Variants in MYOM1 observed in about 807,000 individuals in gnomAD.
MYOM1 encodes the protein myomesin-1.
A neutral mutation model predicts 205.3 loss-of-function variants in MYOM1; 164 were observed. The observed-to-expected ratio is 0.80, with a 90% CI of 0.70 to 0.91. The LOEUF is 0.91. Ranked by LOEUF, MYOM1 falls within the 40% of genes least tolerant of loss-of-function variation. The probability of loss-of-function intolerance (pLI) is 0.00; values close to 1 mark genes in which losing one functional copy is unlikely to be tolerated. For synonymous variants in MYOM1, 772 were observed against 789.4 expected, an observed-to-expected ratio of 0.98 and a Z score of 0.37; for missense variants, 2,011 against 2,127.3, an observed-to-expected ratio of 0.95 and a Z score of 1.08.
upstream of MYOM1, among the ~76,000 whole-genome samples, chr18:3,220,330 C>T (rs1021219359): frequency 8.6e-5 from 13 of 152,042 alleles, no homozygotes; most frequent in South Asian, 2.1e-4. Flanking sequence ...AACACACGTA[C>T]GGTACATTTA....
At chr18:3,080,262 T>G (rs2079069249) in intron 33 of MYOM1, among the ~76,000 whole-genome samples, 2 of 152,106 alleles carry the variant, frequency 1.3e-5, no homozygotes, top group Non-Finnish European at 2.9e-5. Context: ...CTGGTAAAAC[T>G]ATGGATACTA....
At position 3,175,376 on chromosome 18, in the gene MYOM1, A is replaced by G. The variant is rs76728031; in HGVS notation, c.1022+666T>C. 3.6e-3 allele frequency among the ~76,000 whole-genome samples: 549 copies of G among 152,306 alleles called. 1 individual carries two copies. Among genetic ancestry groups the G allele is most frequent in the African/African-American group, 0.013 (528 of 41,568 alleles). ...ATTCTGGGAACTTGTTTAGCTTTTCATTGACCTAATTAGGTTTGAATTTCA... is the reference window on the plus strand; with the variant it reads ...ATTCTGGGAACTTGTTTAGCTTTTCGTTGACCTAATTAGGTTTGAATTTCA... On this transcript the variant is annotated intron_variant, in intron 6 of 37. Transcript: ENST00000356443.
intron 25 of MYOM1, among the ~76,000 whole-genome samples, chr18:3,098,341 G>A (rs1197538936): frequency 6.6e-6 from 1 of 151,802 alleles, no homozygotes; most frequent in Non-Finnish European, 1.5e-5. Context: ...GCAGTGGCAC[G>A]ATCTCGGCTC....
At chr18:3,243,974 AG>A in the MYOM1 span, among the ~76,000 whole-genome samples, 1 of 152,222 alleles carries the variant, frequency 6.6e-6, no homozygotes, top group South Asian at 2.1e-4. Context: ...GTGACCTTGT[AG>A]AAATTATAGT....
At chr18:3,144,924 A>C (rs2080103655) in intron 13 of MYOM1, among the ~76,000 whole-genome samples, 1 of 152,230 alleles carries the variant, frequency 6.6e-6, no homozygotes, top group South Asian at 2.1e-4. Flanking sequence ...AGATATTAGC[A>C]ATAGTAAATA....
At chr18:3,124,606 G>A (rs2079751588) in intron 19 of MYOM1, among the ~76,000 whole-genome samples, 1 of 151,892 alleles carries the variant, frequency 6.6e-6, no homozygotes, top group Non-Finnish European at 1.5e-5. Flanking sequence ...TGGGATTACA[G>A]GCGTGAGCCA....
chr18:3,093,396 T>C (rs988537747), intron 26 of MYOM1, among the ~76,000 whole-genome samples: 1 of 152,022 alleles, frequency 6.6e-6, no homozygotes, highest in Non-Finnish European at 1.5e-5. Context: ...AAAACTTAGA[T>C]GTTGTAACTC....
At chr18:3,127,245 T>C (rs1331701912) in intron 18 of MYOM1, among the ~76,000 whole-genome samples, 1 of 147,278 alleles carries the variant, frequency 6.8e-6, no homozygotes, top group Non-Finnish European at 1.5e-5. Flanking sequence ...GGAATGTGTA[T>C]ATCAATTTCT....
At chr18:3,077,915 A>G (rs2079038226) in intron 34 of MYOM1, among the ~76,000 whole-genome samples, 1 of 152,064 alleles carries the variant, frequency 6.6e-6, no homozygotes, top group African/African-American at 2.4e-5. Flanking sequence ...AGTCGCCGTG[A>G]ATGGGTGAGG....
chr18:3,149,300 G>C (rs929538536), intron 12 of MYOM1, 99 bp from the exon 13 acceptor site: 9 of 935,352 alleles, frequency 9.6e-6, no homozygotes, highest in African/African-American at 8.2e-5. Context: ...GTCACAACTG[G>C]GTTTGTTACT....
intron 2 of MYOM1, among the ~76,000 whole-genome samples, chr18:3,204,281 T>C (rs757400780): frequency 1.1e-4 from 16 of 152,006 alleles, no homozygotes; most frequent in Non-Finnish European, 2.2e-4. Flanking sequence ...TGAAAAGATG[T>C]AAATCTACCT....
At chr18:3,085,934 T>C in intron 30 of MYOM1, 104 bp downstream of exon 30, 1 of 685,728 alleles carries the variant, frequency 1.5e-6, no homozygotes, top group Non-Finnish European at 2.4e-6. Context: ...TAAGCTAATA[T>C]AAATCCCCTG....
chr18:3,139,460 G>A (rs1027986577), intron 14 of MYOM1, among the ~76,000 whole-genome samples: 3 of 152,198 alleles, frequency 2.0e-5, no homozygotes, highest in African/African-American at 7.2e-5. Context: ...TCAAGGACAT[G>A]CCGTGAAGAA....
rs144801184 is a variant in MYOM1, at chr18:3,178,377, G to A, written c.930-2243C>T. ...TCACACAGCCAGGAACAGCAGAGGAGGGATTTGAACCGGCAGCCTGGCTGC... is the reference window on the plus strand; with the variant it reads ...TCACACAGCCAGGAACAGCAGAGGAAGGATTTGAACCGGCAGCCTGGCTGC... On this transcript the variant is annotated intron_variant, in intron 5 of 37. Coordinates refer to ENST00000356443, the MANE Select transcript of MYOM1 (RefSeq NM_003803.4). Among the ~76,000 whole-genome samples, 440 of 152,324 alleles carry A rather than the reference G, an allele frequency of 2.9e-3. 3 individuals carry two copies. Among genetic ancestry groups the A allele is most frequent in the Non-Finnish European group, 5.2e-3 (352 of 68,026 alleles).
In MYOM1 at chr18:3,116,437, C is replaced by T. The variant is rs1258368446; in HGVS notation, c.3197G>A (p.Gly1066Glu). ...VLQWKPPVHS[G>E]RTPVTGYFVD... Reference sequence around the variant, plus strand: ...GAAGTAACCAGTGACCGGAGTCCGCCCGGAGTGGACTGGCGGCTTCCACTG... The same window carrying T: ...GAAGTAACCAGTGACCGGAGTCCGCTCGGAGTGGACTGGCGGCTTCCACTG... The change falls in exon 21 of 38, where the codon GGG becomes GAG. Residue 1066 changes from glycine to glutamate, a missense_variant. By Grantham distance (98) the Gly-to-Glu change is moderately conservative. Transcript: ENST00000356443. The T allele has an allele frequency of 1.9e-6, 3 of 1,613,584 alleles. No individual in the cohort carries two copies. The highest frequency in any genetic ancestry group is 1.7e-6 in the Non-Finnish European group (2 of 1,179,698).
chr18:3,127,297 A>ATTT (rs2079802361), intron 18 of MYOM1, among the ~76,000 whole-genome samples: 2 of 49,728 alleles, frequency 4.0e-5, no homozygotes, highest in African/African-American at 1.6e-4. Flanking sequence ...ATATATATAT[A>ATTT]TATATATATT....
Position 3,196,916 on chromosome 18 carries a change from A to G in MYOM1, c.291-2958T>C, listed in dbSNP as rs145209989. On this transcript the variant is annotated intron_variant, in intron 2 of 37. Transcript: ENST00000356443. ...ACTTGTTCAACTTCGTAACAGGAAA[A>G]GCAAGAACAAAACCATTTATAGAAT... Among the ~76,000 whole-genome samples, 617 of 152,328 alleles carry G rather than the reference A, an allele frequency of 4.1e-3. 5 individuals carry two copies. The highest frequency in any genetic ancestry group is 0.014 in the African/African-American group (579 of 41,570).
intron 5 of MYOM1, among the ~76,000 whole-genome samples, chr18:3,183,715 T>A (rs1194330067): frequency 6.6e-6 from 1 of 152,164 alleles, no homozygotes; most frequent in Non-Finnish European, 1.5e-5. Flanking sequence ...CTCCTCAGTG[T>A]CAGGCCCAGG....
chr18:3,069,508 G>A (rs1274883219), intron 37 of MYOM1, among the ~76,000 whole-genome samples: 1 of 152,090 alleles, frequency 6.6e-6, no homozygotes, highest in Non-Finnish European at 1.5e-5. Context: ...TAAGAAATCT[G>A]TTTTTCTCCC....
Sources: allele counts gnomAD v4.1 joint callset (sites outside exome capture counted in the v4.1 genomes callset), GRCh38; gene constraint gnomAD v4.1.1; transcripts MANE v1.5; gene names NCBI Gene and HGNC (gene_info 2026-07-23, HGNC 2026-07-21).